Variants in CFH observed in about 807,000 individuals in gnomAD.
CFH encodes complement factor H.
A neutral mutation model predicts 147.3 loss-of-function variants in CFH; 53 were observed. The observed-to-expected ratio is 0.36, with a 90% CI of 0.29 to 0.45. The LOEUF (loss-of-function observed/expected upper bound fraction) is 0.45. Ranked by LOEUF, CFH falls within the 20% of genes least tolerant of loss-of-function variation. CFH has a pLI of 1.00. For missense variants in CFH, 1,380 were observed against 1,498.0 expected (o/e 0.92, Z 1.30); for synonymous variants, 536 against 489.4 (o/e 1.10, Z -1.26).
chr1:196,708,410 A>G (rs1175540492), intron 9 of CFH, among the ~76,000 whole-genome samples: 5 of 152,190 alleles, frequency 3.3e-5, no homozygotes, highest in African/African-American at 4.8e-5. Context: ...TCTGCCTATC[A>G]TAAATGGAAA....
intron 1 of CFH, among the ~76,000 whole-genome samples, chr1:196,660,395 T>A (rs1666859011): frequency 6.6e-6 from 1 of 152,120 alleles, no homozygotes; most frequent in South Asian, 2.1e-4. Flanking sequence ...CAATGCTGGA[T>A]AAGTAAAAAG....
chr1:196,681,428 T>C (rs1667652753), intron 6 of CFH, among the ~76,000 whole-genome samples: 1 of 151,366 alleles, frequency 6.6e-6, no homozygotes. Context: ...CCCAAATGTA[T>C]TACTGCATTT....
At chr1:196,712,224 T>C (rs1317447062) in intron 9 of CFH, among the ~76,000 whole-genome samples, 2 of 152,080 alleles carry the variant, frequency 1.3e-5, no homozygotes, top group Non-Finnish European at 2.9e-5. Context: ...AACTCTGTTT[T>C]ACTTGATTAT....
In CFH at chr1:196,746,997, G is replaced by C. The variant is rs779025907; in HGVS notation, c.3494-114G>C. The stretch of plus-strand genomic sequence containing the variant: ...TGTTTCTACATAGTTGGTTTGGATA[G>C]TGTTTTGAGAAATAATTCCTGAACC... On this transcript the variant is annotated intron_variant, in intron 21 of 21. Coordinates refer to ENST00000367429, the MANE Select transcript of CFH (RefSeq NM_000186.4). 7.1e-6 allele frequency: 11 copies of C among 1,544,892 alleles called. No homozygotes were observed. In the Admixed American group the frequency reaches 1.5e-4, roughly 21 times the overall value.
At chr1:196,669,202 G>A (rs1266448417) in intron 1 of CFH, among the ~76,000 whole-genome samples, 1 of 152,114 alleles carries the variant, frequency 6.6e-6, no homozygotes, top group African/African-American at 2.4e-5. Flanking sequence ...GTCTGAAATT[G>A]GAACTTATGT....
intron 18 of CFH, chr1:196,741,623 G>A: frequency 2.2e-6 from 1 of 456,510 alleles, no homozygotes; most frequent in East Asian, 4.4e-5. Context: ...AAAAAAATGT[G>A]TAATCTCAAT....
intron 1 of CFH, among the ~76,000 whole-genome samples, chr1:196,660,590 C>T (rs1666865361): frequency 6.6e-6 from 1 of 151,924 alleles, no homozygotes; most frequent in Non-Finnish European, 1.5e-5. Flanking sequence ...GTAGTAGGAG[C>T]AAGGGAAAAT....
At chr1:196,709,168 GTC>G (rs1668667332) in intron 9 of CFH, among the ~76,000 whole-genome samples, 2 of 152,086 alleles carry the variant, frequency 1.3e-5, no homozygotes. Context: ...GAGACCATAT[GTC>G]TCTACCACAG....
chr1:196,746,992 G>C, intron 21 of CFH, 119 bp from the exon 22 acceptor site: 1 of 1,535,190 alleles, frequency 6.5e-7, no homozygotes, highest in Middle Eastern at 1.7e-4. Context: ...TAGTTGGTTT[G>C]GATAGTGTTT....
At chr1:196,684,374 A>G (rs1264183371) in intron 6 of CFH, among the ~76,000 whole-genome samples, 1 of 151,980 alleles carries the variant, frequency 6.6e-6, no homozygotes, top group East Asian at 1.9e-4. Flanking sequence ...AGAAAAATGT[A>G]ATGCAGTATC....
chr1:196,719,352 A>C (rs1484328116), intron 11 of CFH, among the ~76,000 whole-genome samples: 1 of 151,972 alleles, frequency 6.6e-6, no homozygotes, highest in South Asian at 2.1e-4. Context: ...GAACAAACAC[A>C]CATACAAAAA....
chr1:196,733,470 A>C (rs1573072882), intron 15 of CFH, among the ~76,000 whole-genome samples: 1 of 152,068 alleles, frequency 6.6e-6, no homozygotes, highest in African/African-American at 2.4e-5. Flanking sequence ...TTTTGGAGGT[A>C]ACTGTAAAGG....
intron 21 of CFH, 145 bp from the exon 22 acceptor site, chr1:196,746,966 A>G: frequency 1.4e-6 from 2 of 1,394,192 alleles, no homozygotes; most frequent in Admixed American, 2.0e-5. Flanking sequence ...ATTCAAATCA[A>G]TATGATGTTT....
intron 18 of CFH, 43 bp from the exon 19 acceptor site, chr1:196,741,832 T>G (rs751090722): frequency 1.9e-6 from 3 of 1,580,146 alleles, no homozygotes; most frequent in South Asian, 1.1e-5. Context: ...TGTAACCTAT[T>G]TTTAAAGATT....
chr1:196,668,383 A>G (rs1262540365), intron 1 of CFH, among the ~76,000 whole-genome samples: 2 of 152,188 alleles, frequency 1.3e-5, no homozygotes, highest in Non-Finnish European at 2.9e-5. Context: ...ATGCTAAGAC[A>G]TATATATTCA....
In CFH at chr1:196,700,121, T is replaced by C. The variant is rs139212226; in HGVS notation, c.1336+9882T>C. On this transcript the variant is annotated intron_variant, in intron 9 of 21. Coordinates refer to ENST00000367429, the MANE Select transcript of CFH (RefSeq NM_000186.4). Reference sequence around the variant, plus strand: ...AACTTAGGGAAGAATGTACTTTCCATATCCTGATGATTTCAGCCCCCTTAC... The same window carrying C: ...AACTTAGGGAAGAATGTACTTTCCACATCCTGATGATTTCAGCCCCCTTAC... Among the ~76,000 whole-genome samples, 437 of 152,292 alleles carry C rather than the reference T, an allele frequency of 2.9e-3. 1 individual carries two copies. The highest frequency in any genetic ancestry group is 0.02 in the East Asian group (106 of 5,172).
intron 9 of CFH, among the ~76,000 whole-genome samples, chr1:196,690,572 G>A (rs924150227): frequency 2.0e-5 from 3 of 152,068 alleles, no homozygotes; most frequent in African/African-American, 7.2e-5. Flanking sequence ...ACACCAAGAA[G>A]ATTAAGGACG....
Position 196,661,922 on chromosome 1 carries a change from C to T in CFH, c.58+9747C>T, listed in dbSNP as rs79312292. On this transcript the variant is annotated intron_variant, in intron 1 of 21. Coordinates refer to ENST00000367429, the MANE Select transcript of CFH (RefSeq NM_000186.4). ...TTTGTTTTGTTTTTTAAATAAATTG[C>T]CTCAAGGAATTGTGAGCATGAGATA... Among the ~76,000 whole-genome samples, 13 of 152,118 alleles carry T rather than the reference C, an allele frequency of 8.5e-5. No individual in the cohort carries two copies. The East Asian group carries it at 2.1e-3, about 25-fold the overall frequency.
At chr1:196,660,467 T>C (rs1666861190) in intron 1 of CFH, among the ~76,000 whole-genome samples, 1 of 152,180 alleles carries the variant, frequency 6.6e-6, no homozygotes, top group South Asian at 2.1e-4. Context: ...GAATCACTTG[T>C]CACTCTGTGA....
Sources: gnomAD v4.1 joint callset for allele counts (sites outside exome capture counted in the v4.1 genomes callset) on GRCh38, gnomAD v4.1.1 for gene constraint, MANE v1.5 for transcripts, NCBI Gene and HGNC (gene_info 2026-07-23, HGNC 2026-07-21) for gene names.